Variants in CDH13 observed in about 807,000 individuals in gnomAD.
The protein encoded by CDH13 is cadherin 13, also known as cadherin-13.
Under a neutral mutation model 63.8 loss-of-function variants are expected in CDH13, and 24 were observed. The ratio of observed to expected loss-of-function variants is 0.38; its 90% CI spans 0.27 to 0.53. The LOEUF is 0.53. CDH13 is among the 20% of genes least tolerant of loss of function. The pLI is 0.85. For missense variants in CDH13, 1,049 were observed against 903.1 expected (o/e 1.16, Z -2.07); for synonymous variants, 503 against 355.3 (o/e 1.42, Z -4.67).
chr16:83,783,985 G>A (rs1915709278), intron 13 of CDH13, among the ~76,000 whole-genome samples: 1 of 152,156 alleles, frequency 6.6e-6, no homozygotes, highest in African/African-American at 2.4e-5. Context: ...ATAATATCAT[G>A]AAACATTGTT....
Position 83,258,814 on chromosome 16 carries a change from T to A in CDH13, c.636+41317T>A, listed in dbSNP as rs544453694. ...ACAGAGCACATCGTGACGCTATAAA[T>A]AACAGGCACGTGACCAGTCCTTATA... On this transcript the variant is annotated intron_variant, in intron 5 of 13. Transcript: ENST00000567109. 2.6e-5 allele frequency among the ~76,000 whole-genome samples: 4 copies of A among 152,310 alleles called. No homozygotes were observed. The South Asian group carries it at 8.3e-4, about 32-fold the overall frequency.
At chr16:83,761,469 C>T (rs530943704) in intron 11 of CDH13, among the ~76,000 whole-genome samples, 31 of 152,250 alleles carry the variant, frequency 2.0e-4, no homozygotes, top group African/African-American at 5.3e-4. Context: ...GAGACTCCAG[C>T]GCAGGCATGT....
At chr16:83,780,830 T>A (rs1049958892) in intron 12 of CDH13, among the ~76,000 whole-genome samples, 1 of 152,232 alleles carries the variant, frequency 6.6e-6, no homozygotes, top group Non-Finnish European at 1.5e-5. Flanking sequence ...AGCTATCTCT[T>A]GGCTCAGCTG....
At chr16:82,871,941 G>A (rs8051136) in intron 2 of CDH13, among the ~76,000 whole-genome samples, 111,154 of 152,054 alleles carry the variant, frequency 0.73, 40,972 homozygotes, top group East Asian at 0.88. Context: ...TCTCAAGGCT[G>A]ACCGTCCTTG....
chr16:83,706,504 G>C (rs899379582), intron 10 of CDH13, among the ~76,000 whole-genome samples: 2 of 152,190 alleles, frequency 1.3e-5, no homozygotes, highest in Non-Finnish European at 2.9e-5. Flanking sequence ...AGAGGTACCT[G>C]AGTTCAGATT....
At chr16:83,711,214 C>G (rs1482595099) in intron 10 of CDH13, among the ~76,000 whole-genome samples, 3 of 152,206 alleles carry the variant, frequency 2.0e-5, no homozygotes, top group African/African-American at 7.2e-5. Context: ...CAATAGTCTG[C>G]CTACCTCATT....
At chr16:83,721,753 G>A (rs1321510530) in intron 10 of CDH13, 1 of 152,306 alleles carries the variant, frequency 6.6e-6, no homozygotes, top group Admixed American at 6.5e-5. Context: ...CAGGGAGGAA[G>A]AGACTCCAGG....
chr16:82,776,983 C>T (rs1054873480), intron 1 of CDH13, among the ~76,000 whole-genome samples: 1 of 152,194 alleles, frequency 6.6e-6, no homozygotes, highest in African/African-American at 2.4e-5. Context: ...CCCAGAACAT[C>T]AGGTTGGAGT....
chr16:83,551,653 G>A (rs1225717377), intron 7 of CDH13, among the ~76,000 whole-genome samples: 4 of 152,072 alleles, frequency 2.6e-5, no homozygotes, highest in Non-Finnish European at 5.9e-5. Context: ...GCAAAACACT[G>A]TCTTTGTTTA....
intron 2 of CDH13, among the ~76,000 whole-genome samples, chr16:83,002,068 T>G (rs1191337846): frequency 6.6e-6 from 1 of 152,200 alleles, no homozygotes; most frequent in Non-Finnish European, 1.5e-5. Flanking sequence ...TTCTAGGCAC[T>G]GAAGATACAA....
At chr16:83,757,214 T>G (rs1047156920) in intron 11 of CDH13, among the ~76,000 whole-genome samples, 2 of 152,104 alleles carry the variant, frequency 1.3e-5, no homozygotes, top group Admixed American at 1.3e-4. Flanking sequence ...ATGTCAAAAC[T>G]TGTGGGATGC....
At chr16:83,482,435 T>C (rs147047381) in intron 6 of CDH13, among the ~76,000 whole-genome samples, 23 of 152,326 alleles carry the variant, frequency 1.5e-4, no homozygotes, top group African/African-American at 5.3e-4. Context: ...GTAAGCGTGC[T>C]TAATAGAGGC....
intron 3 of CDH13, among the ~76,000 whole-genome samples, chr16:83,099,751 A>C (rs188232653): frequency 7.9e-5 from 12 of 152,066 alleles, no homozygotes; most frequent in Admixed American, 3.3e-4. Context: ...CTTCATTTGC[A>C]TCATGAAGCT....
chr16:82,721,065 A>G (rs1024355977), intron 1 of CDH13, among the ~76,000 whole-genome samples: 1 of 152,214 alleles, frequency 6.6e-6, no homozygotes, highest in Non-Finnish European at 1.5e-5. Context: ...ATAACCAGGG[A>G]TGCAAAGTGA....
intron 5 of CDH13, among the ~76,000 whole-genome samples, chr16:83,305,906 C>G (rs1309307554): frequency 6.6e-6 from 1 of 152,196 alleles, no homozygotes; most frequent in Non-Finnish European, 1.5e-5. Flanking sequence ...GGAATAATGA[C>G]AGTGCCTAAC....
intron 3 of CDH13, among the ~76,000 whole-genome samples, chr16:83,078,500 G>T (rs1456700924): frequency 6.6e-6 from 1 of 152,210 alleles, no homozygotes; most frequent in Non-Finnish European, 1.5e-5. Context: ...TAATGCCACT[G>T]CTGATCTCAC....
chr16:83,067,966 C>G (rs1159130621), intron 3 of CDH13, among the ~76,000 whole-genome samples: 3 of 152,168 alleles, frequency 2.0e-5, no homozygotes, highest in Non-Finnish European at 2.9e-5. Flanking sequence ...AGCCTTCACC[C>G]TCATTCTCAA....
intron 2 of CDH13, among the ~76,000 whole-genome samples, chr16:82,947,692 C>A (rs1219380867): frequency 1.3e-5 from 2 of 152,026 alleles, no homozygotes; most frequent in Admixed American, 1.3e-4. Context: ...AAATATTAAG[C>A]TTGCAAGTTT....
chr16:83,238,157 C>T (rs1423687177), intron 5 of CDH13, among the ~76,000 whole-genome samples: 1 of 151,844 alleles, frequency 6.6e-6, no homozygotes, highest in African/African-American at 2.4e-5. Context: ...CTGGTCTTTG[C>T]TGAGATGGTG....
Sources: allele counts gnomAD v4.1 joint callset (sites outside exome capture counted in the v4.1 genomes callset), GRCh38; gene constraint gnomAD v4.1.1; transcripts MANE v1.5; gene names NCBI Gene and HGNC (gene_info 2026-07-23, HGNC 2026-07-21).